The following NRXN3 variants were observed in gnomAD, a reference collection of about 807,000 sequenced individuals.
NRXN3 encodes the protein neurexin III.
NRXN3 carries 32 observed loss-of-function variants against 137.6 expected under a neutral mutation model. That is an observed-to-expected ratio of 0.23 (90% CI 0.18 to 0.31). NRXN3 has a LOEUF of 0.31. Among genes scored for constraint, NRXN3 ranks in the 10% least tolerant of loss-of-function variants. The pLI is 1.00. For synonymous variants in NRXN3, 798 were observed against 784.5 expected, an observed-to-expected ratio of 1.02 and a Z score of -0.29; for missense variants, 1,574 against 2,062.5, an observed-to-expected ratio of 0.76 and a Z score of 4.59.
chr14:79,371,441 T>C (rs1009676855), intron 15 of NRXN3, among the ~76,000 whole-genome samples: 1 of 152,116 alleles, frequency 6.6e-6, no homozygotes, highest in Non-Finnish European at 1.5e-5. Flanking sequence ...CCTACTAACA[T>C]TCTTGATTAC....
chr14:79,230,263 T>A (rs1212218391), intron 15 of NRXN3, among the ~76,000 whole-genome samples: 1 of 152,130 alleles, frequency 6.6e-6, no homozygotes, highest in African/African-American at 2.4e-5. Context: ...GAACATGTTG[T>A]GTTGGCATCA....
chr14:79,730,721 T>A (rs2098919020), intron 19 of NRXN3, among the ~76,000 whole-genome samples: 1 of 152,226 alleles, frequency 6.6e-6, no homozygotes, highest in Non-Finnish European at 1.5e-5. Context: ...GTTATTTATA[T>A]AGTTAGAATT....
At chr14:79,022,583 C>T (rs2099591509) in intron 15 of NRXN3, among the ~76,000 whole-genome samples, 1 of 152,132 alleles carries the variant, frequency 6.6e-6, no homozygotes, top group African/African-American at 2.4e-5. Context: ...ATTCTACCAC[C>T]ACATAGATGT....
intron 15 of NRXN3, among the ~76,000 whole-genome samples, chr14:79,441,364 A>ATTTT (rs2095942733): frequency 5.5e-5 from 6 of 108,324 alleles, no homozygotes; most frequent in Non-Finnish European, 7.6e-5. Flanking sequence ...CAAACAGAAA[A>ATTTT]TCTTTTTTTT....
chr14:78,962,965 A>G (rs903984481), intron 11 of NRXN3, among the ~76,000 whole-genome samples: 3 of 151,420 alleles, frequency 2.0e-5, no homozygotes, highest in African/African-American at 7.3e-5. Flanking sequence ...ACCCACCTCG[A>G]CCTCCCAAGC....
chr14:78,494,869 A>G (rs1484365056), intron 4 of NRXN3, among the ~76,000 whole-genome samples: 1 of 147,494 alleles, frequency 6.8e-6, no homozygotes, highest in African/African-American at 2.5e-5. Context: ...ATGGCCTGAG[A>G]TGCCTCAGAG....
chr14:79,518,375 C>A (rs10083466), intron 16 of NRXN3, among the ~76,000 whole-genome samples: 58,662 of 151,856 alleles, frequency 0.39, 15,201 homozygotes, highest in African/African-American at 0.73. Context: ...GTGACATGAT[C>A]TGTCTCTCCT....
chr14:79,114,495 A>C (rs1373513529), intron 15 of NRXN3, among the ~76,000 whole-genome samples: 47 of 152,104 alleles, frequency 3.1e-4, no homozygotes, highest in Admixed American at 3.1e-3. Flanking sequence ...TACTCAGCAT[A>C]TTTTTTTAAA....
chr14:78,596,374 G>T (rs905276965), intron 4 of NRXN3, among the ~76,000 whole-genome samples: 1 of 152,116 alleles, frequency 6.6e-6, no homozygotes, highest in African/African-American at 2.4e-5. Flanking sequence ...GCTCTGGTGT[G>T]GTACTGCATC....
chr14:78,756,684 G>A (rs1234667325), intron 8 of NRXN3, among the ~76,000 whole-genome samples: 1 of 145,428 alleles, frequency 6.9e-6, no homozygotes, highest in African/African-American at 2.8e-5. Context: ...AAAAACAGCT[G>A]TACTTGGCAG....
intron 15 of NRXN3, chr14:79,280,125 A>T: frequency 7.0e-7 from 1 of 1,438,124 alleles, no homozygotes; most frequent in South Asian, 1.6e-5. Context: ...TTTAAGTAGT[A>T]ATTTTTTAAC....
chr14:78,617,325 GTGACCCATAGAGA>G (rs1450020409), intron 4 of NRXN3, among the ~76,000 whole-genome samples: 5 of 152,162 alleles, frequency 3.3e-5, no homozygotes, highest in Admixed American at 2.0e-4. Context: ...TCCATCCCAC[GTGACCCATAGAGA>G]TGACCCATAG....
chr14:78,667,145 A>G lies in NRXN3; in HGVS notation c.1221+15819A>G, dbSNP rs75609138. On this transcript the variant is annotated intron_variant, in intron 6 of 20. Transcript: ENST00000335750. ...TTTCTCACTTCTGAATTCCAAGCAC[A>G]CTTAATATAATATAGGGTGTTTCAG... Among the ~76,000 whole-genome samples the G allele has an allele frequency of 8.5e-3, 1,291 of 152,164 alleles. 11 individuals carry two copies. Among genetic ancestry groups the G allele is most frequent in the African/African-American group, 0.011 (446 of 41,532 alleles).
Position 79,185,707 on chromosome 14 carries a change from C to T in NRXN3, c.3262+197566C>T, listed in dbSNP as rs1045382337. 7.2e-5 allele frequency among the ~76,000 whole-genome samples: 11 copies of T among 152,094 alleles called. No homozygotes were observed. In the East Asian group the frequency reaches 7.7e-4, roughly 11 times the overall value. On this transcript the variant is annotated intron_variant, in intron 15 of 20. Coordinates refer to ENST00000335750, the MANE Select transcript of NRXN3 (RefSeq NM_001330195.2). ...GTCTCGATCTCCTGACCTCGTGATC[C>T]GCCCACCTTGGCCTCCCAAAATGCT...
intron 10 of NRXN3, among the ~76,000 whole-genome samples, chr14:78,910,531 C>T (rs1008157866): frequency 6.6e-6 from 1 of 151,996 alleles, no homozygotes; most frequent in Non-Finnish European, 1.5e-5. Context: ...GCATTTTCCC[C>T]CAAGATAGTC....
rs554724525 is a variant in NRXN3 at position 78,264,305 on chromosome 14, C to G, written c.710-14340C>G. Reference sequence around the variant, plus strand: ...CTCTGCTGAGCTAACAGAATTTCCACTGACCCAGCCTCCCCAAGAAATGGC... The same window carrying G: ...CTCTGCTGAGCTAACAGAATTTCCAGTGACCCAGCCTCCCCAAGAAATGGC... On this transcript the variant is annotated intron_variant, in intron 2 of 20. Coordinates refer to ENST00000335750, the MANE Select transcript of NRXN3 (RefSeq NM_001330195.2). 4.2e-3 allele frequency among the ~76,000 whole-genome samples: 636 copies of G among 152,310 alleles called. 6 individuals carry two copies. Among genetic ancestry groups the G allele is most frequent in the African/African-American group, 0.014 (595 of 41,556 alleles).
intron 4 of NRXN3, among the ~76,000 whole-genome samples, chr14:78,457,179 C>T (rs1291461361): frequency 1.3e-5 from 2 of 151,972 alleles, no homozygotes; most frequent in African/African-American, 4.8e-5. Context: ...GCTGGAATTA[C>T]AAGTGCACAC....
At chr14:79,679,916 C>T (rs10483930) in intron 17 of NRXN3, among the ~76,000 whole-genome samples, 8,070 of 152,136 alleles carry the variant, frequency 0.053, 292 homozygotes, top group Middle Eastern at 0.16. Flanking sequence ...TAATGATTGA[C>T]TGTCACTTGA....
intron 4 of NRXN3, among the ~76,000 whole-genome samples, chr14:78,440,239 T>C (rs574803340): frequency 2.6e-5 from 4 of 152,174 alleles, no homozygotes; most frequent in Non-Finnish European, 5.9e-5. Context: ...GCCATATCTC[T>C]CAAACCAGAC....
Sources: gnomAD v4.1 joint callset for allele counts (sites outside exome capture counted in the v4.1 genomes callset) on GRCh38, gnomAD v4.1.1 for gene constraint, MANE v1.5 for transcripts, NCBI Gene and HGNC (gene_info 2026-07-23, HGNC 2026-07-21) for gene names.